CAPN13: variants seen among roughly 807,000 people sequenced by gnomAD.
CAPN13 encodes the protein calpain-13.
Under a neutral mutation model 98.4 loss-of-function variants are expected in CAPN13, and 90 were observed. That is an observed-to-expected ratio of 0.92 (90% CI 0.77 to 1.09). The LOEUF (loss-of-function observed/expected upper bound fraction) is 1.09, where lower values mean the gene tolerates loss of function less well. Among genes scored for constraint, CAPN13 ranks in the 50% least tolerant of loss-of-function variants. The probability of loss-of-function intolerance (pLI) is 0.00; values close to 1 mark genes in which losing one functional copy is unlikely to be tolerated. For synonymous variants in CAPN13, 330 were observed against 305.5 expected (o/e 1.08, Z -0.84); for missense variants, 887 against 841.3 (o/e 1.05, Z -0.67).
intron 22 of CAPN13, among the ~76,000 whole-genome samples, chr2:30,730,337 G>A (rs1381800608): frequency 1.3e-5 from 2 of 152,154 alleles, no homozygotes; most frequent in Non-Finnish European, 1.5e-5. Context: ...GGTACAGCTG[G>A]GGCTAGAGCC....
chr2:30,802,849 G>T (rs1009551843), intron 1 of CAPN13, among the ~76,000 whole-genome samples: 1 of 152,332 alleles, frequency 6.6e-6, no homozygotes, highest in East Asian at 1.9e-4. Context: ...TCTGGCCTAT[G>T]TTCCAGAACA....
intron 2 of CAPN13, among the ~76,000 whole-genome samples, chr2:30,783,473 T>C (rs372206580): frequency 2.5e-4 from 38 of 152,008 alleles, no homozygotes; most frequent in African/African-American, 8.4e-4. Flanking sequence ...AGCAAAATGG[T>C]TTAGATTATT....
chr2:30,730,860 C>A, intron 21 of CAPN13, 74 bp from the exon 22 acceptor site: 1 of 775,454 alleles, frequency 1.3e-6, no homozygotes. Flanking sequence ...CAAATGCCAC[C>A]CTCCTCCCTC....
chr2:30,757,952 G>C, intron 8 of CAPN13, 94 bp downstream of exon 8: 1 of 887,036 alleles, frequency 1.1e-6, no homozygotes, highest in Non-Finnish European at 1.7e-6. Context: ...AGTGAGATGC[G>C]CAGTGGCTAG....
chr2:30,759,206 A>C (rs75121811), intron 7 of CAPN13, among the ~76,000 whole-genome samples: 8,630 of 98,034 alleles, frequency 0.088, 320 homozygotes, highest in Middle Eastern at 0.2. Context: ...TTCCTTCTTT[A>C]CCCCCTGCCT....
intron 14 of CAPN13, 138 bp from the exon 15 acceptor site, chr2:30,742,102 A>G: frequency 1.0e-6 from 1 of 973,212 alleles, no homozygotes; most frequent in Non-Finnish European, 1.5e-6. Context: ...CTTCTGGGGA[A>G]TGAGAAAACT....
chr2:30,798,093 T>C (rs939996222), intron 1 of CAPN13, among the ~76,000 whole-genome samples: 3 of 152,282 alleles, frequency 2.0e-5, no homozygotes, highest in African/African-American at 7.2e-5. Flanking sequence ...AAGTGTTCTA[T>C]ATCTGTGCTG....
At position 30,743,379 on chromosome 2, in the gene CAPN13, G is replaced by T. The variant is rs773701108; in HGVS notation, c.1445+4C>A. ...AACATTTACAATCCCAGAGGGTTCT[G>T]TACCTGTCACTGTCTGGCATTTTCA... is the stretch of plus-strand genomic sequence containing the variant. On this transcript the variant is annotated splice_donor_region_variant and intron_variant, in intron 13 of 22. Transcript: ENST00000295055. 6.2e-7 allele frequency: 1 copy of T among 1,610,668 alleles called. No individual in the cohort carries two copies. The highest frequency in any genetic ancestry group is 1.3e-5 in the African/African-American group (1 of 74,866).
At chr2:30,792,509 A>G (rs1674653343) in intron 1 of CAPN13, among the ~76,000 whole-genome samples, 1 of 152,128 alleles carries the variant, frequency 6.6e-6, no homozygotes, top group Non-Finnish European at 1.5e-5. Flanking sequence ...GTTGACACAG[A>G]AGAAACAGAA....
chr2:30,758,815 T>TCCTC (rs1553313150), intron 7 of CAPN13, among the ~76,000 whole-genome samples: 1 of 75,482 alleles, frequency 1.3e-5, no homozygotes, highest in African/African-American at 6.1e-5. Flanking sequence ...TCCCTTCCCT[T>TCCTC]CCTCCCTTCC....
At chr2:30,734,957 G>A (rs1206642519) in intron 18 of CAPN13, among the ~76,000 whole-genome samples, 1 of 152,186 alleles carries the variant, frequency 6.6e-6, no homozygotes, top group Non-Finnish European at 1.5e-5. Context: ...TGTAGCAAAG[G>A]GCTAATTACA....
At chr2:30,760,537 C>T (rs1244996288) in intron 7 of CAPN13, among the ~76,000 whole-genome samples, 1 of 152,154 alleles carries the variant, frequency 6.6e-6, no homozygotes, top group Non-Finnish European at 1.5e-5. Context: ...GGGGAATCGC[C>T]GACTGAGCTA....
At position 30,732,468 on chromosome 2, in the gene CAPN13, A is replaced by C. The variant is rs1671151605; in HGVS notation, c.1897T>G (p.Cys633Gly). Residue 633 changes from cysteine (C) to glycine (G), a missense_variant, in exon 20 of 23, where the codon TGC becomes GGC. By Grantham distance (159) the Cys-to-Gly change is radical (BLOSUM62 -3). Transcript: ENST00000295055. ...VGRVSFPSLV[C>G]FLMRLEAMAK... ...ATGGCTTCAAGCCGCATCAGGAAGC[A>C]GACCAGGCTGGGGAAGCTGACCCTG... 6.2e-7 allele frequency: 1 copy of C among 1,613,706 alleles called. No individual in the cohort carries two copies. Among genetic ancestry groups the C allele is most frequent in the Non-Finnish European group, 8.5e-7 (1 of 1,179,804 alleles).
At chr2:30,724,443 C>T (rs534921628) in intron 22 of CAPN13, among the ~76,000 whole-genome samples, 108 of 152,314 alleles carry the variant, frequency 7.1e-4, no homozygotes, top group African/African-American at 2.3e-3. Context: ...CAGCTCCTCT[C>T]GGAATGGCTC....
At chr2:30,806,670 C>A (rs1238484177) in intron 1 of CAPN13, among the ~76,000 whole-genome samples, 1 of 152,196 alleles carries the variant, frequency 6.6e-6, no homozygotes, top group Non-Finnish European at 1.5e-5. Context: ...CTGAGAACAG[C>A]ATCACATCTC....
chr2:30,751,327 G>A, intron 10 of CAPN13, 76 bp from the exon 11 acceptor site: 15 of 1,517,526 alleles, frequency 9.9e-6, no homozygotes, highest in Non-Finnish European at 1.2e-5. Flanking sequence ...CCAGTGCAGA[G>A]AGTTCTGTGG....
chr2:30,737,978 C>T (rs1671459677), intron 17 of CAPN13: 1 of 491,920 alleles, frequency 2.0e-6, no homozygotes, highest in East Asian at 3.7e-5. Context: ...CACACACACA[C>T]ACACACACAC....
At position 30,787,184 on chromosome 2, in the gene CAPN13, C is replaced by G. The variant is rs1465612536; in HGVS notation, c.142G>C (p.Gly48Arg). The change falls in exon 2 of 23, where the codon GGC (glycine) becomes CGC (arginine). Residue 48 changes from glycine (G) to arginine (R), a missense_variant. Coordinates refer to ENST00000295055, the MANE Select transcript of CAPN13 (RefSeq NM_144575.3). ...ETFPAADSSI[G>R]QKLLQEKRLS... is the part of the protein sequence containing the mutation. ...CGTTTTTCCTGGAGCAGCTTCTGGC[C>G]TATGGAAGAATCTGCTGCAGGGAAT... is the stretch of plus-strand genomic sequence containing the variant. 6.3e-7 allele frequency: 1 copy of G among 1,596,364 alleles called. No individual in the cohort carries two copies. The highest frequency in any genetic ancestry group is 1.3e-5 in the African/African-American group (1 of 74,744).
At chr2:30,762,409 C>T (rs969695693) in intron 7 of CAPN13, among the ~76,000 whole-genome samples, 4 of 152,210 alleles carry the variant, frequency 2.6e-5, no homozygotes, top group African/African-American at 9.7e-5. Context: ...CAGTGTATGT[C>T]CCAGCCTCCC....
Sources: allele counts gnomAD v4.1 joint callset (sites outside exome capture counted in the v4.1 genomes callset), GRCh38; gene constraint gnomAD v4.1.1; transcripts MANE v1.5; gene names NCBI Gene and HGNC (gene_info 2026-07-23, HGNC 2026-07-21).